HDAC9: variants seen among roughly 807,000 people sequenced by gnomAD.
The protein encoded by HDAC9 is MEF-2 interacting transcription repressor (MITR) protein.
A neutral mutation model predicts 139.4 loss-of-function variants in HDAC9; 41 were observed. The observed-to-expected ratio is 0.29, with a 90% CI of 0.23 to 0.38. HDAC9 has a LOEUF of 0.38. HDAC9 is among the 10% of genes least tolerant of loss of function. The pLI is 1.00. For missense variants in HDAC9, 1,147 were observed against 1,297.0 expected (o/e 0.88, Z 1.78); for synonymous variants, 517 against 476.2 (o/e 1.09, Z -1.12).
At chr7:18,882,809 G>T (rs1799832278) in intron 22 of HDAC9, among the ~76,000 whole-genome samples, 1 of 152,066 alleles carries the variant, frequency 6.6e-6, no homozygotes, top group South Asian at 2.1e-4. Flanking sequence ...ATATATTTGA[G>T]CACAAAATAT....
intron 12 of HDAC9, among the ~76,000 whole-genome samples, chr7:18,698,331 T>C (rs1447252109): frequency 6.6e-6 from 1 of 152,232 alleles, no homozygotes; most frequent in African/African-American, 2.4e-5. Context: ...AGATCAGTTC[T>C]GTTTCCTCCT....
chr7:18,251,292 T>G (rs1794901764), intron 2 of HDAC9, among the ~76,000 whole-genome samples: 1 of 151,712 alleles, frequency 6.6e-6, no homozygotes, highest in Non-Finnish European at 1.5e-5. Flanking sequence ...CACTTATAAG[T>G]GAGAGCTGAA....
intron 17 of HDAC9, among the ~76,000 whole-genome samples, chr7:18,805,350 G>T (rs376274552): frequency 6.6e-6 from 1 of 152,198 alleles, no homozygotes; most frequent in Non-Finnish European, 1.5e-5. Flanking sequence ...TGATAAATGT[G>T]TCAGGAGTTT....
At chr7:18,210,751 A>G (rs1465991484) in intron 2 of HDAC9, among the ~76,000 whole-genome samples, 2 of 152,176 alleles carry the variant, frequency 1.3e-5, no homozygotes. Flanking sequence ...GTAGCTTTTC[A>G]TGTTATAAAA....
At chr7:18,429,871 T>G (rs987081436) in intron 1 of HDAC9, among the ~76,000 whole-genome samples, 1 of 152,228 alleles carries the variant, frequency 6.6e-6, no homozygotes, top group Admixed American at 6.5e-5. Context: ...AGTATTTGAT[T>G]GAAATACTAA....
chr7:18,625,352 A>G (rs3823968), intron 6 of HDAC9, among the ~76,000 whole-genome samples: 19,144 of 152,086 alleles, frequency 0.13, 1,472 homozygotes, highest in East Asian at 0.34. Flanking sequence ...GAGCAGTACA[A>G]TTATTAACAG....
At chr7:18,529,766 G>A (rs1396252061) in intron 2 of HDAC9, among the ~76,000 whole-genome samples, 1 of 152,076 alleles carries the variant, frequency 6.6e-6, no homozygotes, top group Non-Finnish European at 1.5e-5. Flanking sequence ...ATTCACCAAT[G>A]TTTAAAATCT....
At chr7:18,489,529 G>T (rs768772735) in intron 1 of HDAC9, among the ~76,000 whole-genome samples, 1 of 151,866 alleles carries the variant, frequency 6.6e-6, no homozygotes, top group African/African-American at 2.4e-5. Flanking sequence ...ATTTAGGGAA[G>T]ACTTGAAGAA....
chr7:18,137,593 A>C (rs548515347), intron 1 of HDAC9, among the ~76,000 whole-genome samples: 6 of 150,848 alleles, frequency 4.0e-5, no homozygotes, highest in African/African-American at 1.5e-4. Flanking sequence ...CTCTGTTTAT[A>C]TGCTGGATTA....
chr7:18,126,968 C>T (rs955083689), intron 1 of HDAC9, among the ~76,000 whole-genome samples: 6 of 152,118 alleles, frequency 3.9e-5, no homozygotes, highest in Non-Finnish European at 8.8e-5. Flanking sequence ...CTGTGAAGTA[C>T]GTGAACGAAA....
intron 24 of HDAC9, among the ~76,000 whole-genome samples, chr7:18,972,438 T>A (rs531085953): frequency 7.7e-5 from 11 of 143,364 alleles, no homozygotes; most frequent in Admixed American, 7.5e-4. Context: ...TGGAGTGCAG[T>A]GGCACAATCT....
At chr7:18,308,611 A>T (rs1232654088) in intron 1 of HDAC9, among the ~76,000 whole-genome samples, 1 of 152,204 alleles carries the variant, frequency 6.6e-6, no homozygotes, top group African/African-American at 2.4e-5. Context: ...GGTGTGTCTG[A>T]CCTGGAAAGA....
chr7:18,698,315 C>T (rs1342512715), intron 12 of HDAC9, among the ~76,000 whole-genome samples: 1 of 152,130 alleles, frequency 6.6e-6, no homozygotes, highest in Non-Finnish European at 1.5e-5. Context: ...CATTTTTATC[C>T]GTTTGAGATC....
intron 22 of HDAC9, among the ~76,000 whole-genome samples, chr7:18,935,477 G>A (rs1293663048): frequency 6.6e-6 from 1 of 152,082 alleles, no homozygotes; most frequent in Non-Finnish European, 1.5e-5. Flanking sequence ...AGTTTACCTT[G>A]TTAACACCTG....
chr7:18,732,935 A>ATACACACGTGTATGTG (rs1786420128), intron 13 of HDAC9, among the ~76,000 whole-genome samples: 1 of 73,150 alleles, frequency 1.4e-5, no homozygotes, highest in Non-Finnish European at 2.5e-5. Flanking sequence ...GTGTGTATGT[A>ATACACACGTGTATGTG]TGTGTATACA....
At chr7:18,146,648 T>G (rs1786352055) in intron 1 of HDAC9, among the ~76,000 whole-genome samples, 1 of 152,214 alleles carries the variant, frequency 6.6e-6, no homozygotes, top group South Asian at 2.1e-4. Flanking sequence ...TTTATTTGTG[T>G]CATATATTTA....
At chr7:18,388,782 A>T (rs1786187196) in intron 1 of HDAC9, among the ~76,000 whole-genome samples, 2 of 152,128 alleles carry the variant, frequency 1.3e-5, no homozygotes, top group South Asian at 4.1e-4. Context: ...TACAGAACTA[A>T]GTCTTTTGTG....
At chr7:18,880,844 G>T (rs1040866429) in intron 22 of HDAC9, among the ~76,000 whole-genome samples, 8 of 3,218 alleles carry the variant, frequency 2.5e-3, no homozygotes, top group African/African-American at 3.8e-3. Context: ...AATAGTTGCC[G>T]GGGGGGGGGG....
At chr7:18,539,211 A>C (rs1369520050) in intron 2 of HDAC9, among the ~76,000 whole-genome samples, 1 of 152,130 alleles carries the variant, frequency 6.6e-6, no homozygotes, top group Non-Finnish European at 1.5e-5. Flanking sequence ...ATGTGGCTCT[A>C]CTCTACTTAT....
Sources: gnomAD v4.1 joint callset for allele counts (sites outside exome capture counted in the v4.1 genomes callset) on GRCh38, gnomAD v4.1.1 for gene constraint, MANE v1.5 for transcripts, NCBI Gene and HGNC (gene_info 2026-07-23, HGNC 2026-07-21) for gene names.